Variants in WNT9A observed in about 807,000 individuals in gnomAD.
The protein encoded by WNT9A is Wnt family member 9A, also known as protein Wnt-9a.
Under a neutral mutation model 31.4 loss-of-function variants are expected in WNT9A, and 8 were observed. That is an observed-to-expected ratio of 0.26 (90% CI 0.15 to 0.46). WNT9A has a LOEUF of 0.46. Ranked by LOEUF, WNT9A falls within the 20% of genes least tolerant of loss-of-function variation. The pLI, the probability that WNT9A is intolerant of heterozygous loss-of-function variation, is 0.99. For synonymous variants in WNT9A, 236 were observed against 220.1 expected, an observed-to-expected ratio of 1.07 and a Z score of -0.64; for missense variants, 457 against 522.9, an observed-to-expected ratio of 0.87 and a Z score of 1.23.
At chr1:227,931,348 G>A (rs1666507647) in intron 1 of WNT9A, among the ~76,000 whole-genome samples, 1 of 152,200 alleles carries the variant, frequency 6.6e-6, no homozygotes, top group African/African-American at 2.4e-5. Flanking sequence ...TCTTCCCACT[G>A]AGTTTCAGTG....
At chr1:227,924,763 C>T (rs1291689916) in intron 2 of WNT9A, among the ~76,000 whole-genome samples, 3 of 152,248 alleles carry the variant, frequency 2.0e-5, no homozygotes, top group Non-Finnish European at 4.4e-5. Flanking sequence ...TCATGCAGTG[C>T]AGTGGCACAC....
Position 227,925,266 on chromosome 1 carries a change from G to C in WNT9A, c.349C>G (p.Arg117Gly). The part of the protein sequence containing the change: ...EGRYRASLLK[R>G]GFKETAFLYA... Reference sequence around the variant, plus strand: ...GGGCCAGGCCGGCCACACTCACCTCGCTTGAGCAGGCTGGCCCGGTAGCGG... The same window carrying C: ...GGGCCAGGCCGGCCACACTCACCTCCCTTGAGCAGGCTGGCCCGGTAGCGG... The change falls in exon 2 of 4, where the codon CGA (arginine) becomes GGA (glycine). Residue 117 changes from arginine to glycine, a missense_variant. Coordinates refer to ENST00000272164, the MANE Select transcript of WNT9A (RefSeq NM_003395.4). This position sits in a 1 kb window ranked among gnomAD's most constrained non-coding sequence, Gnocchi z 6.0. The C allele has an allele frequency of 6.4e-7, 1 of 1,555,672 alleles. No individual in the cohort carries two copies. Among genetic ancestry groups the C allele is most frequent in the Non-Finnish European group, 8.7e-7 (1 of 1,149,748 alleles).
At chr1:227,946,785 C>G (rs1474203219) in intron 1 of WNT9A, among the ~76,000 whole-genome samples, 1 of 152,200 alleles carries the variant, frequency 6.6e-6, no homozygotes, top group Non-Finnish European at 1.5e-5. Flanking sequence ...GGGCCCTCTG[C>G]CGGCCAGCCC....
rs78059586 is a variant in WNT9A at position 227,922,571 on chromosome 1, G to A, written c.616-571C>T. Reference sequence around the variant, plus strand: ...GCCAGTGAAGGCACCACAGGAGCAGGGAGGCCCACGCTGCAGGGGAGAGGG... The same window carrying A: ...GCCAGTGAAGGCACCACAGGAGCAGAGAGGCCCACGCTGCAGGGGAGAGGG... On this transcript the variant is annotated intron_variant, in intron 3 of 3. Coordinates refer to ENST00000272164, the MANE Select transcript of WNT9A (RefSeq NM_003395.4). Among the ~76,000 whole-genome samples the A allele has an allele frequency of 1.2e-4, 18 of 152,346 alleles. 1 individual carries two copies. The East Asian group carries it at 2.7e-3, about 23-fold the overall frequency.
chr1:227,938,238 C>G (rs565243914), intron 1 of WNT9A, among the ~76,000 whole-genome samples: 14 of 151,518 alleles, frequency 9.2e-5, no homozygotes, highest in African/African-American at 2.9e-4. Flanking sequence ...CCCATACACA[C>G]GGACACACAT....
chr1:227,936,653 G>C (rs922525131), intron 1 of WNT9A, among the ~76,000 whole-genome samples: 3 of 149,140 alleles, frequency 2.0e-5, no homozygotes, highest in Non-Finnish European at 4.4e-5. Context: ...TTTGAGACAT[G>C]GTCTTTGCTC....
chr1:227,924,322 C>T lies in WNT9A; in HGVS notation c.431G>A (p.Gly144Asp). The T allele has an allele frequency of 1.2e-6, 2 of 1,613,740 alleles. No homozygotes were observed. Among genetic ancestry groups the T allele is most frequent in the Non-Finnish European group, 1.7e-6 (2 of 1,179,996 alleles). ...ATCGCAGGTACAGCGCTCCATGCGG[C>T]CCGCGCTGCACGCCTTGGCCAGTGC... Reference protein sequence around the residue: ...THALAKACSAGRMERCTCDEA... With the variant: ...THALAKACSADRMERCTCDEA... The change falls in exon 3 of 4, where the codon GGC becomes GAC. Residue 144 changes from glycine to aspartate, a missense_variant. Transcript: ENST00000272164.
At chr1:227,923,066 AAAAG>A (rs1666352892) in intron 3 of WNT9A, among the ~76,000 whole-genome samples, 1 of 152,160 alleles carries the variant, frequency 6.6e-6, no homozygotes, top group Non-Finnish European at 1.5e-5. Context: ...TACACAAAGG[AAAAG>A]AAAGGGCCTT....
At position 227,925,524 on chromosome 1, in the gene WNT9A, G is replaced by C. The variant is rs1397858162; in HGVS notation, c.96-5C>G. On this transcript the variant is annotated splice_polypyrimidine_tract_variant and splice_region_variant and intron_variant, in intron 1 of 3. Coordinates refer to ENST00000272164, the MANE Select transcript of WNT9A (RefSeq NM_003395.4). This position sits in a 1 kb window ranked among gnomAD's most constrained non-coding sequence, Gnocchi z 6.0. ...AGGGGCTCGCTGCCCGTCAGCCTGG[G>C]CACAGAGAGGCCAGCATGAGCCCGG... is the stretch of plus-strand genomic sequence containing the variant. 3 of 1,528,360 alleles carry C rather than the reference G, an allele frequency of 2.0e-6. No homozygotes were observed. In the African/African-American group the frequency reaches 4.1e-5, roughly 21 times the overall value. The allele number at this position is 1,528,360 out of a possible 1,614,324, so 94.7% of individuals were successfully genotyped here. A position where few individuals can be genotyped will look rare whatever the true frequency, so the allele number is the denominator to read the frequency against.
At chr1:227,935,993 A>G (rs1666589356) in intron 1 of WNT9A, among the ~76,000 whole-genome samples, 1 of 152,024 alleles carries the variant, frequency 6.6e-6, no homozygotes, top group Non-Finnish European at 1.5e-5. Flanking sequence ...ACACTGTTTT[A>G]TCAGTCAGCA....
chr1:227,925,645 C>A lies in WNT9A; in HGVS notation c.96-126G>T. On this transcript the variant is annotated intron_variant, in intron 1 of 3. Transcript: ENST00000272164. The surrounding 1 kb of genome is among the most constrained non-coding windows in gnomAD (Gnocchi z 6.0). Reference sequence around the variant, plus strand: ...CCGGGGGTGAGGGGGCAGAAAGAATCCAGGATGAGCCAGGCAGGGGAGAGG... The same window carrying A: ...CCGGGGGTGAGGGGGCAGAAAGAATACAGGATGAGCCAGGCAGGGGAGAGG... 5 of 1,361,314 alleles carry A rather than the reference C, an allele frequency of 3.7e-6. No homozygotes were observed. The highest frequency in any genetic ancestry group is 4.8e-6 in the Non-Finnish European group (5 of 1,038,532). The allele number at this position is 1,361,314 out of a possible 1,614,324, so 84.3% of individuals were successfully genotyped here.
intron 1 of WNT9A, among the ~76,000 whole-genome samples, chr1:227,945,516 C>T (rs370229702): frequency 1.3e-5 from 2 of 152,318 alleles, no homozygotes; most frequent in South Asian, 2.1e-4. Context: ...GACCCTCCCC[C>T]AGGCCAGCCT....
At chr1:227,939,946 C>T (rs757211256) in intron 1 of WNT9A, among the ~76,000 whole-genome samples, 69 of 152,368 alleles carry the variant, frequency 4.5e-4, no homozygotes, top group African/African-American at 8.9e-4. Context: ...AGGGCTGCAA[C>T]GCCACCAGGG....
chr1:227,925,710 C>T lies in WNT9A; in HGVS notation c.96-191G>A, dbSNP rs1374507447. Among the ~76,000 whole-genome samples, 1 of 152,128 alleles carries T rather than the reference C, an allele frequency of 6.6e-6. No individual in the cohort carries two copies. Among genetic ancestry groups the T allele is most frequent in the Non-Finnish European group, 1.5e-5 (1 of 67,988 alleles). ...CTTGGCCCCCTGCACACCCATGGCC[C>T]CCACTCCAGCGAGCATGGTCTCAGT... On this transcript the variant is annotated intron_variant, in intron 1 of 3. Coordinates refer to ENST00000272164, the MANE Select transcript of WNT9A (RefSeq NM_003395.4). This position sits in a 1 kb window ranked among gnomAD's most constrained non-coding sequence, Gnocchi z 6.0.
intron 1 of WNT9A, among the ~76,000 whole-genome samples, chr1:227,930,736 T>C (rs1326778073): frequency 6.6e-6 from 1 of 152,084 alleles, no homozygotes; most frequent in East Asian, 1.9e-4. Flanking sequence ...AAATCATAAA[T>C]GAGGCCAGGC....
At chr1:227,927,241 C>T (rs780111258) in intron 1 of WNT9A, among the ~76,000 whole-genome samples, 1 of 152,100 alleles carries the variant, frequency 6.6e-6, no homozygotes, top group Non-Finnish European at 1.5e-5. Context: ...AGGCCATGCC[C>T]AGGATTCAGG....
intron 2 of WNT9A, 75 bp from the exon 3 acceptor site, chr1:227,924,475 C>T: frequency 6.5e-7 from 1 of 1,528,050 alleles, no homozygotes; most frequent in South Asian, 1.3e-5. Context: ...AGCCAAATCA[C>T]CCCAAGAGTA....
At chr1:227,936,195 T>G (rs562242222) in intron 1 of WNT9A, among the ~76,000 whole-genome samples, 2 of 147,824 alleles carry the variant, frequency 1.4e-5, no homozygotes, top group South Asian at 4.2e-4. Context: ...TTTTTCTTTT[T>G]CTTTTTTTTT....
chr1:227,934,419 A>C lies in WNT9A; in HGVS notation c.96-8900T>G, dbSNP rs536046294. On this transcript the variant is annotated intron_variant, in intron 1 of 3. Transcript: ENST00000272164. The stretch of plus-strand genomic sequence containing the variant: ...TAAATTTTCAGATTTATTGTCATGA[A>C]TCTATTAATTGCTTTCTCCTGTTTT... 7.2e-5 allele frequency among the ~76,000 whole-genome samples: 11 copies of C among 152,262 alleles called. No individual in the cohort carries two copies. The South Asian group carries it at 2.3e-3, about 32-fold the overall frequency.
Sources: allele counts gnomAD v4.1 joint callset (sites outside exome capture counted in the v4.1 genomes callset), GRCh38; gene constraint gnomAD v4.1.1; non-coding constraint Gnocchi (gnomAD v3.1); transcripts MANE v1.5; gene names NCBI Gene and HGNC (gene_info 2026-07-23, HGNC 2026-07-21).